SLIT2: variants seen among roughly 807,000 people sequenced by gnomAD.
The protein encoded by SLIT2 is slit guidance ligand 2.
In SLIT2, 41 loss-of-function variants were observed where a neutral mutation model predicts 185.7. That is an observed-to-expected ratio of 0.22 (90% CI 0.17 to 0.29). The LOEUF (loss-of-function observed/expected upper bound fraction) is 0.29, where lower values mean the gene tolerates loss of function less well. Among genes scored for constraint, SLIT2 ranks in the 10% least tolerant of loss-of-function variants. SLIT2 has a pLI of 1.00. For missense variants in SLIT2, 1,571 were observed against 1,909.0 expected, an observed-to-expected ratio of 0.82 and a Z score of 3.30; for synonymous variants, 693 against 680.2, an observed-to-expected ratio of 1.02 and a Z score of -0.29.
chr4:20,566,501 T>C (rs747618500), intron 26 of SLIT2, among the ~76,000 whole-genome samples: 2 of 152,050 alleles, frequency 1.3e-5, no homozygotes, highest in African/African-American at 4.8e-5. Flanking sequence ...TGTGGCTAAA[T>C]ATGCATTTAA....
At chr4:20,430,799 T>C (rs960520473) in intron 4 of SLIT2, among the ~76,000 whole-genome samples, 2 of 152,228 alleles carry the variant, frequency 1.3e-5, no homozygotes, top group African/African-American at 4.8e-5. Context: ...TATAGGCCTT[T>C]GCCTTCCTTA....
In SLIT2 at chr4:20,362,136, G is replaced by T. The variant is rs76741328; in HGVS notation, c.395+93255G>T. On this transcript the variant is annotated intron_variant, in intron 4 of 36. Transcript: ENST00000504154. ...GCTCCATCTTGTCCTCCTTTCCTGC[G>T]CTGGATGGCCTTTTTCCTGAGGTAG... is the stretch of plus-strand genomic sequence containing the variant. 5.9e-5 allele frequency among the ~76,000 whole-genome samples: 9 copies of T among 152,102 alleles called. No individual in the cohort carries two copies. The East Asian group carries it at 1.7e-3, about 29-fold the overall frequency.
At chr4:20,379,502 A>G (rs571507195) in intron 4 of SLIT2, among the ~76,000 whole-genome samples, 41 of 152,060 alleles carry the variant, frequency 2.7e-4, no homozygotes, top group Non-Finnish European at 3.8e-4. Flanking sequence ...ACTGATTTCA[A>G]TTTCTTTGGT....
At chr4:20,617,698 G>A (rs749394930) in intron 36 of SLIT2, 48 bp downstream of exon 36, 1 of 1,318,036 alleles carries the variant, frequency 7.6e-7, no homozygotes, top group South Asian at 1.3e-5. Flanking sequence ...AAGCAAGAGG[G>A]GTCCCATGTC....
chr4:20,394,235 A>C (rs1304468253), intron 4 of SLIT2, among the ~76,000 whole-genome samples: 1 of 152,138 alleles, frequency 6.6e-6, no homozygotes, highest in East Asian at 1.9e-4. Flanking sequence ...ATATATAACT[A>C]CTAAGGAAAG....
intron 4 of SLIT2, among the ~76,000 whole-genome samples, chr4:20,331,277 A>C (rs1720045728): frequency 6.6e-6 from 1 of 152,144 alleles, no homozygotes; most frequent in Non-Finnish European, 1.5e-5. Flanking sequence ...GGTAAAAGAA[A>C]TTTACATCAG....
chr4:20,431,269 C>T (rs1560417160), intron 4 of SLIT2, among the ~76,000 whole-genome samples: 1 of 152,084 alleles, frequency 6.6e-6, no homozygotes, highest in Non-Finnish European at 1.5e-5. Context: ...CTTTACATGT[C>T]AAGAACATAG....
intron 4 of SLIT2, among the ~76,000 whole-genome samples, chr4:20,362,684 A>T (rs986104402): frequency 2.0e-5 from 3 of 151,812 alleles, no homozygotes; most frequent in African/African-American, 7.2e-5. Context: ...TATTCACTTA[A>T]AAAGTAAGGT....
At chr4:20,405,342 A>C (rs1726695931) in intron 4 of SLIT2, among the ~76,000 whole-genome samples, 1 of 151,954 alleles carries the variant, frequency 6.6e-6, no homozygotes, top group African/African-American at 2.4e-5. Flanking sequence ...GAAGTAAGAT[A>C]ATTGTCTAAT....
chr4:20,434,011 AG>A (rs1382394394), intron 4 of SLIT2, among the ~76,000 whole-genome samples: 1 of 152,186 alleles, frequency 6.6e-6, no homozygotes, highest in Non-Finnish European at 1.5e-5. Context: ...TTGAATTAAA[AG>A]GTTCTAGACT....
chr4:20,518,797 G>A (rs1416002235), intron 11 of SLIT2, among the ~76,000 whole-genome samples: 17 of 143,410 alleles, frequency 1.2e-4, no homozygotes, highest in Non-Finnish European at 2.4e-4. Context: ...TAGTAGAGAC[G>A]GGGTTTCACT....
intron 26 of SLIT2, among the ~76,000 whole-genome samples, chr4:20,556,769 A>G (rs1346433688): frequency 6.6e-6 from 1 of 152,100 alleles, no homozygotes; most frequent in African/African-American, 2.4e-5. Flanking sequence ...AAGGAAGGCC[A>G]CGTTGAAAGC....
At chr4:20,456,965 A>T (rs1354926587) in intron 4 of SLIT2, among the ~76,000 whole-genome samples, 1 of 152,082 alleles carries the variant, frequency 6.6e-6, no homozygotes, top group South Asian at 2.1e-4. Flanking sequence ...GAAAAAAAAT[A>T]TCTCTACCCT....
At chr4:20,394,557 T>C (rs1332493213) in intron 4 of SLIT2, 1 of 151,988 alleles carries the variant, frequency 6.6e-6, no homozygotes, top group Non-Finnish European at 1.5e-5. Flanking sequence ...ATCCTGCTAT[T>C]CTTCCAACTG....
At chr4:20,576,783 T>C (rs755196276) in intron 29 of SLIT2, among the ~76,000 whole-genome samples, 5 of 152,318 alleles carry the variant, frequency 3.3e-5, no homozygotes, top group East Asian at 1.9e-4. Context: ...GCAGTGCCCA[T>C]TGAGCCCAGA....
chr4:20,562,900 G>T (rs1724810616), intron 26 of SLIT2, among the ~76,000 whole-genome samples: 1 of 151,640 alleles, frequency 6.6e-6, no homozygotes, highest in Non-Finnish European at 1.5e-5. Flanking sequence ...TGTTTCCAAG[G>T]GATGCCAGAA....
intron 29 of SLIT2, among the ~76,000 whole-genome samples, chr4:20,578,937 A>T (rs1726293787): frequency 6.6e-6 from 1 of 152,142 alleles, no homozygotes; most frequent in Non-Finnish European, 1.5e-5. Context: ...GCAGGCTTTG[A>T]GGACTAAATA....
intron 4 of SLIT2, among the ~76,000 whole-genome samples, chr4:20,436,935 G>T (rs1388216747): frequency 1.3e-5 from 2 of 152,034 alleles, no homozygotes; most frequent in Non-Finnish European, 2.9e-5. Flanking sequence ...AAAATTAGAG[G>T]GAATGGAAAA....
chr4:20,382,389 G>A (rs1461659746), intron 4 of SLIT2, among the ~76,000 whole-genome samples: 2 of 152,110 alleles, frequency 1.3e-5, no homozygotes, highest in Non-Finnish European at 2.9e-5. Context: ...AAAAGAAGCA[G>A]TAGAGCCTTC....
Sources: gnomAD v4.1 joint callset for allele counts (sites outside exome capture counted in the v4.1 genomes callset) on GRCh38, gnomAD v4.1.1 for gene constraint, MANE v1.5 for transcripts, NCBI Gene and HGNC (gene_info 2026-07-23, HGNC 2026-07-21) for gene names.